Variants in PID1 observed in about 807,000 individuals in gnomAD.
The protein encoded by PID1 is PTB-containing, cubilin and LRP1-interacting protein.
PID1 carries 10 observed loss-of-function variants against 19.1 expected under a neutral mutation model. The observed-to-expected ratio is 0.52, with a 90% CI of 0.32 to 0.89. The LOEUF (loss-of-function observed/expected upper bound fraction) is 0.89. Ranked by LOEUF, PID1 falls within the 40% of genes least tolerant of loss-of-function variation. PID1 has a pLI of 0.03. For synonymous variants in PID1, 130 were observed against 116.0 expected (o/e 1.12, Z -0.78); for missense variants, 248 against 285.3 (o/e 0.87, Z 0.94).
At chr2:229,032,495 C>G (rs1693575867) in intron 2 of PID1, among the ~76,000 whole-genome samples, 1 of 152,138 alleles carries the variant, frequency 6.6e-6, no homozygotes, top group Non-Finnish European at 1.5e-5. Flanking sequence ...TCCAGAGCCA[C>G]AAAGTAGACA....
chr2:229,156,864 T>C (rs1055230680), intron 1 of PID1, among the ~76,000 whole-genome samples: 25 of 152,188 alleles, frequency 1.6e-4, no homozygotes, highest in Non-Finnish European at 3.1e-4. Context: ...TCCTCTCATG[T>C]AGGGGTCCAG....
chr2:229,218,426 C>T (rs1381444951), intron 1 of PID1, among the ~76,000 whole-genome samples: 2 of 151,852 alleles, frequency 1.3e-5, no homozygotes, highest in Non-Finnish European at 2.9e-5. Context: ...TTGCACAAGT[C>T]GTAATCACAG....
intron 1 of PID1, among the ~76,000 whole-genome samples, chr2:229,217,486 G>C (rs1298248113): frequency 1.3e-5 from 2 of 152,204 alleles, no homozygotes; most frequent in African/African-American, 2.4e-5. Context: ...AGAAAATGGA[G>C]AGAGATGGAG....
At chr2:229,105,817 C>T (rs1026365420) in intron 2 of PID1, among the ~76,000 whole-genome samples, 7 of 152,164 alleles carry the variant, frequency 4.6e-5, no homozygotes, top group Admixed American at 3.3e-4. Context: ...CAGTGGCTCA[C>T]GCCTGTAATC....
At chr2:229,044,153 T>C (rs997769724) in intron 2 of PID1, among the ~76,000 whole-genome samples, 1 of 152,140 alleles carries the variant, frequency 6.6e-6, no homozygotes, top group Non-Finnish European at 1.5e-5. Context: ...ATGTGGCTGT[T>C]TGCATATTGA....
At chr2:229,113,430 A>G (rs1695339152) in intron 2 of PID1, among the ~76,000 whole-genome samples, 1 of 105,082 alleles carries the variant, frequency 9.5e-6, no homozygotes, top group Admixed American at 1.1e-4. Flanking sequence ...ATACACACAC[A>G]TACATATATA....
At chr2:229,064,128 C>T (rs1281578640) in intron 2 of PID1, among the ~76,000 whole-genome samples, 1 of 152,144 alleles carries the variant, frequency 6.6e-6, no homozygotes, top group Non-Finnish European at 1.5e-5. Flanking sequence ...AGGCAAATAA[C>T]ATGCACAGAT....
intron 1 of PID1, chr2:229,245,193 A>G (rs1238524919): frequency 6.6e-6 from 1 of 151,874 alleles, no homozygotes; most frequent in Non-Finnish European, 1.5e-5. Flanking sequence ...AGTCTCTTGC[A>G]CTCCCTTTTT....
intron 2 of PID1, among the ~76,000 whole-genome samples, chr2:229,033,074 CCTT>C (rs1195719319): frequency 6.6e-6 from 1 of 152,200 alleles, no homozygotes; most frequent in East Asian, 1.9e-4. Flanking sequence ...CGACATTTAT[CCTT>C]CTGGTTGAGC....
chr2:229,245,892 G>A (rs1689989909), intron 1 of PID1, among the ~76,000 whole-genome samples: 1 of 152,088 alleles, frequency 6.6e-6, no homozygotes, highest in South Asian at 2.1e-4. Context: ...TAGGCCAAGG[G>A]AATGTTTAAG....
At chr2:229,212,668 T>C (rs991867791) in intron 1 of PID1, among the ~76,000 whole-genome samples, 6 of 152,222 alleles carry the variant, frequency 3.9e-5, no homozygotes, top group Admixed American at 1.3e-4. Context: ...CCCTGCTATC[T>C]GAAGGTTTAG....
chr2:229,129,379 A>C (rs889027994), intron 2 of PID1, among the ~76,000 whole-genome samples: 39 of 145,220 alleles, frequency 2.7e-4, no homozygotes, highest in African/African-American at 9.3e-4. Context: ...GCGCCACTGC[A>C]CCCCAGCCTG....
chr2:229,051,458 C>T (rs1243124718), intron 2 of PID1, among the ~76,000 whole-genome samples: 2 of 152,140 alleles, frequency 1.3e-5, no homozygotes, highest in Non-Finnish European at 2.9e-5. Context: ...CTGCCTCAGC[C>T]TCCCAAGTAG....
intron 1 of PID1, among the ~76,000 whole-genome samples, chr2:229,196,452 G>C (rs1233156070): frequency 6.6e-6 from 1 of 151,864 alleles, no homozygotes; most frequent in Non-Finnish European, 1.5e-5. Flanking sequence ...CAAATCAATG[G>C]AGAAAACAAA....
At chr2:229,088,291 G>A (rs16825673) in intron 2 of PID1, among the ~76,000 whole-genome samples, 21,078 of 152,052 alleles carry the variant, frequency 0.14, 2,387 homozygotes, top group African/African-American at 0.31. Context: ...AACATTTACC[G>A]AGCAACTACT....
chr2:229,101,536 G>A (rs922234189), intron 2 of PID1, among the ~76,000 whole-genome samples: 1 of 152,118 alleles, frequency 6.6e-6, no homozygotes, highest in African/African-American at 2.4e-5. Flanking sequence ...CTCTAACTAT[G>A]GGCCAAATGC....
chr2:229,116,640 T>C (rs1327864909), intron 2 of PID1, among the ~76,000 whole-genome samples: 3 of 152,304 alleles, frequency 2.0e-5, no homozygotes, highest in South Asian at 2.1e-4. Flanking sequence ...CCCACTGCCA[T>C]GTAAGAAGTG....
chr2:229,236,623 T>G (rs1689693246), intron 1 of PID1: 1 of 151,966 alleles, frequency 6.6e-6, no homozygotes. Context: ...AAAGGAATCT[T>G]CAAGGAAGAG....
intron 2 of PID1, among the ~76,000 whole-genome samples, chr2:229,108,197 C>T (rs1695217287): frequency 6.6e-6 from 1 of 152,192 alleles, no homozygotes; most frequent in South Asian, 2.1e-4. Flanking sequence ...GAGTTAGTCC[C>T]AGAAATCCAA....
Sources: allele counts gnomAD v4.1 joint callset (sites outside exome capture counted in the v4.1 genomes callset), GRCh38; gene constraint gnomAD v4.1.1; transcripts MANE v1.5; gene names NCBI Gene and HGNC (gene_info 2026-07-23, HGNC 2026-07-21).